PEBP4: variants seen among roughly 807,000 people sequenced by gnomAD.
PEBP4 encodes phosphatidylethanolamine binding protein 4, also known as phosphatidylethanolamine-binding protein 4.
In PEBP4, 22 loss-of-function variants were observed where a neutral mutation model predicts 23.9. That is an observed-to-expected ratio of 0.92 (90% CI 0.66 to 1.31). The LOEUF is 1.31. Among genes scored for constraint, PEBP4 ranks in the 40% most tolerant of loss-of-function variants. The pLI is 0.00. For synonymous variants in PEBP4, 112 were observed against 99.3 expected (o/e 1.13, Z -0.76); for missense variants, 324 against 281.7 (o/e 1.15, Z -1.07).
chr8:22,908,715 G>C (rs1808869052), intron 3 of PEBP4, among the ~76,000 whole-genome samples: 1 of 152,174 alleles, frequency 6.6e-6, no homozygotes, highest in Admixed American at 6.5e-5. Flanking sequence ...TCATGTTCCT[G>C]CTAGGTATTC....
At chr8:22,784,375 A>C (rs1805986745) in intron 4 of PEBP4, among the ~76,000 whole-genome samples, 1 of 152,198 alleles carries the variant, frequency 6.6e-6, no homozygotes, top group Admixed American at 6.5e-5. Context: ...GAAGGAAGGA[A>C]GGGAAGGGAC....
intron 4 of PEBP4, among the ~76,000 whole-genome samples, chr8:22,730,922 C>CA (rs1804716282): frequency 6.6e-6 from 1 of 152,164 alleles, no homozygotes; most frequent in Admixed American, 6.5e-5. Context: ...GCCCAACCTG[C>CA]AGGGTCTGGT....
At chr8:22,788,936 A>G (rs1036662902) in intron 4 of PEBP4, among the ~76,000 whole-genome samples, 5 of 152,226 alleles carry the variant, frequency 3.3e-5, no homozygotes, top group African/African-American at 2.4e-5. Flanking sequence ...ATTATAGTAC[A>G]TCCATATGGT....
At chr8:22,919,250 T>A (rs1468606249) in intron 3 of PEBP4, among the ~76,000 whole-genome samples, 1 of 152,168 alleles carries the variant, frequency 6.6e-6, no homozygotes, top group Non-Finnish European at 1.5e-5. Context: ...CCTGCCACCC[T>A]GCACAGAAAG....
chr8:22,885,808 T>C (rs1037197114), intron 3 of PEBP4: 3 of 152,194 alleles, frequency 2.0e-5, no homozygotes, highest in African/African-American at 7.2e-5. Flanking sequence ...GCCAGCTCTG[T>C]GTCCCAGGCA....
intron 4 of PEBP4, among the ~76,000 whole-genome samples, chr8:22,783,939 T>C (rs1279540848): frequency 6.6e-6 from 1 of 152,102 alleles, no homozygotes; most frequent in East Asian, 1.9e-4. Flanking sequence ...CGACACATGC[T>C]GTTTTCAAGC....
At chr8:22,816,669 AG>A (rs1193047330) in intron 4 of PEBP4, among the ~76,000 whole-genome samples, 2 of 152,222 alleles carry the variant, frequency 1.3e-5, no homozygotes, top group Non-Finnish European at 2.9e-5. Flanking sequence ...CTGGGTTGGT[AG>A]CCAGCCAAGG....
intron 3 of PEBP4, among the ~76,000 whole-genome samples, chr8:22,833,477 G>A (rs1039889912): frequency 6.6e-6 from 1 of 152,170 alleles, no homozygotes; most frequent in Admixed American, 6.5e-5. Context: ...GATTACAGGT[G>A]CATGCCACCA....
chr8:22,847,051 A>G (rs749989051), intron 3 of PEBP4, among the ~76,000 whole-genome samples: 2 of 152,220 alleles, frequency 1.3e-5, no homozygotes, highest in Non-Finnish European at 2.9e-5. Flanking sequence ...TTGGTCCTCA[A>G]GAGAAATCAC....
At chr8:22,916,357 A>G (rs1809071741) in intron 3 of PEBP4, among the ~76,000 whole-genome samples, 1 of 152,078 alleles carries the variant, frequency 6.6e-6, no homozygotes. Context: ...CAGGGGAGAA[A>G]CGCTTCCTCT....
intron 3 of PEBP4, among the ~76,000 whole-genome samples, chr8:22,837,224 T>C (rs1404390340): frequency 6.6e-6 from 1 of 152,200 alleles, no homozygotes; most frequent in Non-Finnish European, 1.5e-5. Flanking sequence ...GCATCCTAAC[T>C]GGCCTTCTAA....
intron 6 of PEBP4, among the ~76,000 whole-genome samples, chr8:22,724,026 C>T (rs887907388): frequency 6.6e-6 from 1 of 152,252 alleles, no homozygotes; most frequent in Non-Finnish European, 1.5e-5. Context: ...GGATGTGCTT[C>T]TTGCACTTCC....
intron 3 of PEBP4, among the ~76,000 whole-genome samples, chr8:22,881,426 T>C (rs1423646727): frequency 6.6e-6 from 1 of 152,212 alleles, no homozygotes; most frequent in East Asian, 1.9e-4. Context: ...CTACTGTATT[T>C]ATCTGTTCAC....
At chr8:22,789,624 G>A (rs1806096930) in intron 4 of PEBP4, among the ~76,000 whole-genome samples, 1 of 152,166 alleles carries the variant, frequency 6.6e-6, no homozygotes, top group Admixed American at 6.5e-5. Context: ...GCAGAGCTCT[G>A]GGGCAACGTC....
Position 22,765,877 on chromosome 8 carries a change from G to A in PEBP4, c.358-38657C>T, listed in dbSNP as rs1805603751. Among the ~76,000 whole-genome samples the A allele has an allele frequency of 2.3e-5, 3 of 128,558 alleles. No homozygotes were observed. The East Asian group carries it at 7.0e-4, about 30-fold the overall frequency. The allele number at this position is 128,558 out of a possible 152,430, so 84.3% of individuals were successfully genotyped here. A position where few individuals can be genotyped will look rare whatever the true frequency, so the allele number is the denominator to read the frequency against. On this transcript the variant is annotated intron_variant, in intron 4 of 6. Transcript: ENST00000256404. ...CACCTGTGGATCACCACCATTCATGGATCACCACCTGTGGATCACCACCAT... is the reference window on the plus strand; with the variant it reads ...CACCTGTGGATCACCACCATTCATGAATCACCACCTGTGGATCACCACCAT...
chr8:22,887,112 G>GTA (rs1554494557), intron 3 of PEBP4: 1 of 147,938 alleles, frequency 6.8e-6, no homozygotes, highest in African/African-American at 2.5e-5. Flanking sequence ...GTGTGTGTGT[G>GTA]TGTGTATGTG....
chr8:22,765,152 T>TTCCTTCCTTCCTTC (rs1375605717), intron 4 of PEBP4, among the ~76,000 whole-genome samples: 3 of 66,796 alleles, frequency 4.5e-5, no homozygotes, highest in East Asian at 9.1e-4. Flanking sequence ...TTCCTTCCTT[T>TTCCTTCCTTCCTTC]CTTTCTTCTG....
upstream of PEBP4, among the ~76,000 whole-genome samples, chr8:22,928,709 A>T (rs1809405397): frequency 1.3e-5 from 2 of 151,488 alleles, no homozygotes; most frequent in South Asian, 4.2e-4. Flanking sequence ...GCAACTCAGG[A>T]CTCCTGGCTT....
chr8:22,780,715 G>A (rs1235521724), intron 4 of PEBP4, among the ~76,000 whole-genome samples: 1 of 152,212 alleles, frequency 6.6e-6, no homozygotes, highest in Non-Finnish European at 1.5e-5. Context: ...GCAGCTGGAA[G>A]GATGTGGACA....
Sources: gnomAD v4.1 joint callset for allele counts (sites outside exome capture counted in the v4.1 genomes callset) on GRCh38, gnomAD v4.1.1 for gene constraint, MANE v1.5 for transcripts, NCBI Gene and HGNC (gene_info 2026-07-23, HGNC 2026-07-21) for gene names.